Variants in STK32B observed in about 807,000 individuals in gnomAD.
STK32B encodes the protein serine/threonine-protein kinase 32B.
STK32B carries 43 observed loss-of-function variants against 52.6 expected under a neutral mutation model. That is an observed-to-expected ratio of 0.82 (90% CI 0.64 to 1.05). The LOEUF (loss-of-function observed/expected upper bound fraction) is 1.05. STK32B is among the 50% of genes least tolerant of loss of function. The pLI, the probability that STK32B is intolerant of heterozygous loss-of-function variation, is 0.00. For synonymous variants in STK32B, 238 were observed against 204.3 expected (o/e 1.17, Z -1.41); for missense variants, 621 against 534.6 (o/e 1.16, Z -1.59).
chr4:5,336,856 A>T (rs546510034), intron 4 of STK32B, among the ~76,000 whole-genome samples: 2 of 152,366 alleles, frequency 1.3e-5, no homozygotes, highest in African/African-American at 4.8e-5. Context: ...TACGAAGGGC[A>T]CGGAGCAATG....
At chr4:5,344,091 G>A (rs192135340) in intron 4 of STK32B, among the ~76,000 whole-genome samples, 3 of 152,228 alleles carry the variant, frequency 2.0e-5, no homozygotes, top group Admixed American at 6.5e-5. Flanking sequence ...GAGCTGATTC[G>A]AAGAGAACTC....
chr4:5,457,913 G>C, intron 8 of STK32B, among the ~76,000 whole-genome samples: 1 of 148,432 alleles, frequency 6.7e-6, no homozygotes, highest in African/African-American at 2.5e-5. Context: ...GGGATGGAGG[G>C]AGAGAGGAAG....
intron 2 of STK32B, among the ~76,000 whole-genome samples, chr4:5,157,445 G>C (rs1717949440): frequency 6.6e-6 from 1 of 152,186 alleles, no homozygotes; most frequent in Non-Finnish European, 1.5e-5. Context: ...GTAGTGCAGT[G>C]ACCTGCAAGG....
the STK32B span, among the ~76,000 whole-genome samples, chr4:5,029,896 T>C: frequency 6.6e-6 from 1 of 152,212 alleles, no homozygotes; most frequent in South Asian, 2.1e-4. Flanking sequence ...GGTAATTGAA[T>C]TATGGGAGTG....
chr4:5,339,922 G>A (rs1732964182), intron 4 of STK32B, among the ~76,000 whole-genome samples: 1 of 152,120 alleles, frequency 6.6e-6, no homozygotes, highest in South Asian at 2.1e-4. Context: ...GATGTTCAGT[G>A]TTTCCTATAT....
At chr4:5,086,989 C>A (rs1017222330) in intron 1 of STK32B, among the ~76,000 whole-genome samples, 2 of 152,110 alleles carry the variant, frequency 1.3e-5, no homozygotes, top group African/African-American at 4.8e-5. Context: ...CTCAAAGCTG[C>A]ATGAAGAAAT....
intron 8 of STK32B, among the ~76,000 whole-genome samples, chr4:5,457,200 GGT>G (rs1491454660): frequency 6.7e-6 from 1 of 148,950 alleles, no homozygotes; most frequent in African/African-American, 2.5e-5. Context: ...ATGCATGTGG[GGT>G]TTTTTTTTTC....
intron 3 of STK32B, among the ~76,000 whole-genome samples, chr4:5,324,734 G>A (rs569329448): frequency 2.0e-4 from 31 of 152,156 alleles, no homozygotes; most frequent in African/African-American, 7.0e-4. Flanking sequence ...GCACTATGCT[G>A]AGAAGTGAGT....
chr4:5,459,322 A>G (rs1716850565), intron 8 of STK32B, among the ~76,000 whole-genome samples: 1 of 133,872 alleles, frequency 7.5e-6, no homozygotes, highest in Non-Finnish European at 1.5e-5. Flanking sequence ...CCAGGTCCTT[A>G]CCAGTCCCAT....
chr4:5,493,793 G>C (rs1266198981), intron 11 of STK32B, among the ~76,000 whole-genome samples: 1 of 152,182 alleles, frequency 6.6e-6, no homozygotes, highest in Non-Finnish European at 1.5e-5. Flanking sequence ...TGTTCTCATT[G>C]GTTTCAAAGA....
intron 3 of STK32B, among the ~76,000 whole-genome samples, chr4:5,179,979 G>A (rs1377734501): frequency 6.6e-6 from 1 of 152,192 alleles, no homozygotes; most frequent in African/African-American, 2.4e-5. Context: ...ACCCATTCCT[G>A]ACACAGTGGA....
At chr4:5,483,503 A>G (rs1718894437) in intron 11 of STK32B, among the ~76,000 whole-genome samples, 2 of 151,958 alleles carry the variant, frequency 1.3e-5, no homozygotes. Flanking sequence ...TCTTGCTAGC[A>G]GTCTATCAAT....
chr4:5,254,963 C>CT (rs1560264065), intron 3 of STK32B, among the ~76,000 whole-genome samples: 3 of 131,402 alleles, frequency 2.3e-5, no homozygotes, highest in African/African-American at 1.1e-4. Flanking sequence ...GTATCATTCA[C>CT]TAATATATAT....
intron 11 of STK32B, among the ~76,000 whole-genome samples, chr4:5,496,927 G>A (rs192919008): frequency 1.8e-4 from 28 of 152,272 alleles, no homozygotes; most frequent in Non-Finnish European, 3.7e-4. Flanking sequence ...TTTGAACAAA[G>A]AGGGTTTAGC....
At chr4:5,419,243 G>C (rs1348690798) in intron 6 of STK32B, among the ~76,000 whole-genome samples, 1 of 152,186 alleles carries the variant, frequency 6.6e-6, no homozygotes, top group Non-Finnish European at 1.5e-5. Context: ...GTATTGTTTG[G>C]TGAAGTGTCA....
At position 5,380,792 on chromosome 4, in the gene STK32B, T is replaced by C. The variant is rs1041006057; in HGVS notation, c.435-17415T>C. Reference sequence around the variant, plus strand: ...CTGACACTGCTGTTACCTACAATCATGCAGTCCTTACAACAGCCTACAAGT... The same window carrying C: ...CTGACACTGCTGTTACCTACAATCACGCAGTCCTTACAACAGCCTACAAGT... On this transcript the variant is annotated intron_variant, in intron 4 of 11. Transcript: ENST00000282908. The surrounding 1 kb of genome is among the most constrained non-coding windows in gnomAD (Gnocchi z 4.3). Among the ~76,000 whole-genome samples the C allele has an allele frequency of 2.6e-5, 4 of 152,222 alleles. No homozygotes were observed. The highest frequency in any genetic ancestry group is 9.6e-5 in the African/African-American group (4 of 41,460).
At chr4:5,291,922 TG>T (rs1728916851) in intron 3 of STK32B, among the ~76,000 whole-genome samples, 1 of 152,138 alleles carries the variant, frequency 6.6e-6, no homozygotes, top group East Asian at 1.9e-4. Context: ...TATTGCATGA[TG>T]CTGAGGTTTG....
chr4:5,099,460 G>GTGCGCGCGCACACGCGCA (rs1553823554), intron 1 of STK32B, among the ~76,000 whole-genome samples: 9 of 151,984 alleles, frequency 5.9e-5, no homozygotes, highest in African/African-American at 9.7e-5. Context: ...GCGCGCGCGC[G>GTGCGCGCGCACACGCGCA]TATGTGATGT....
At chr4:5,128,902 T>A (rs779932527) in intron 1 of STK32B, among the ~76,000 whole-genome samples, 1 of 152,176 alleles carries the variant, frequency 6.6e-6, no homozygotes, top group African/African-American at 2.4e-5. Context: ...CAGGGTGCAG[T>A]TGGAATTTCT....
Sources: gnomAD v4.1 joint callset for allele counts (sites outside exome capture counted in the v4.1 genomes callset) on GRCh38, gnomAD v4.1.1 for gene constraint, Gnocchi (gnomAD v3.1) non-coding constraint, MANE v1.5 for transcripts, NCBI Gene and HGNC (gene_info 2026-07-23, HGNC 2026-07-21) for gene names.